The following TBCD variants were observed in gnomAD, a reference collection of about 807,000 sequenced individuals.
TBCD encodes the protein tubulin folding cofactor D.
A neutral mutation model predicts 169.3 loss-of-function variants in TBCD; 105 were observed. That is an observed-to-expected ratio of 0.62 (90% CI 0.53 to 0.73). The LOEUF is 0.73. Among genes scored for constraint, TBCD ranks in the 30% least tolerant of loss-of-function variants. TBCD has a pLI of 0.00. For missense variants in TBCD, 1,444 were observed against 1,600.1 expected (o/e 0.90, Z 1.66); for synonymous variants, 700 against 643.9 (o/e 1.09, Z -1.32).
At chr17:82,919,959 G>C (rs938784603) in intron 23 of TBCD, among the ~76,000 whole-genome samples, 1 of 152,224 alleles carries the variant, frequency 6.6e-6, no homozygotes, top group Admixed American at 6.5e-5. Flanking sequence ...AGGCGTCTGC[G>C]AGTGGGTTCC....
At chr17:82,872,389 G>A (rs6502008) in intron 14 of TBCD, among the ~76,000 whole-genome samples, 85,925 of 152,118 alleles carry the variant, frequency 0.56, 24,545 homozygotes, top group East Asian at 0.71. Context: ...GCGCTGCTGG[G>A]CAGGGGCTTG....
At chr17:82,844,100 G>T (rs900209318) in intron 13 of TBCD, among the ~76,000 whole-genome samples, 1 of 151,948 alleles carries the variant, frequency 6.6e-6, no homozygotes, top group Non-Finnish European at 1.5e-5. Flanking sequence ...TGTTCCTTTT[G>T]TAGCATCTCA....
chr17:82,805,183 C>A (rs1449583736), intron 9 of TBCD, among the ~76,000 whole-genome samples: 1 of 152,258 alleles, frequency 6.6e-6, no homozygotes, highest in East Asian at 1.9e-4. Context: ...GCTCCTCACA[C>A]AGCTCTCTGC....
At chr17:82,793,059 A>G (rs1316701976) in intron 7 of TBCD, among the ~76,000 whole-genome samples, 1 of 152,166 alleles carries the variant, frequency 6.6e-6, no homozygotes, top group Non-Finnish European at 1.5e-5. Flanking sequence ...CACTACACCC[A>G]GCCTGAAATT....
In TBCD at chr17:82,838,557, G is replaced by A. The variant is rs1439149141; in HGVS notation, c.1318+23623G>A. 20 of 715,010 alleles carry A rather than the reference G, an allele frequency of 2.8e-5. No individual in the cohort carries two copies. In the East Asian group the frequency reaches 1.1e-3, roughly 38 times the overall value. The allele number at this position is 715,010 out of a possible 1,614,324, so 44.3% of individuals were successfully genotyped here. ...TGTAATTACAATATTGTGATGTGGC[G>A]TTGTTGCATAACTCAAGGACACACC... On this transcript the variant is annotated intron_variant, in intron 13 of 38. Coordinates refer to ENST00000355528, the MANE Select transcript of TBCD (RefSeq NM_005993.5).
Position 82,782,456 on chromosome 17 carries a change from C to T in TBCD, c.771+735C>T, listed in dbSNP as rs754341292. Among the ~76,000 whole-genome samples the T allele has an allele frequency of 2.0e-5, 3 of 152,176 alleles. No homozygotes were observed. The highest frequency in any genetic ancestry group is 4.4e-5 in the Non-Finnish European group (3 of 68,024). ...TTGAGAGCACTTCTCATCCTTGTCTCACGCTGTGGAGCCTGTGGTCCCTCT... is the reference window on the plus strand; with the variant it reads ...TTGAGAGCACTTCTCATCCTTGTCTTACGCTGTGGAGCCTGTGGTCCCTCT... On this transcript the variant is annotated intron_variant, in intron 7 of 38. Transcript: ENST00000355528. This position sits in a 1 kb window ranked among gnomAD's most constrained non-coding sequence, Gnocchi z 5.1.
chr17:82,798,599 T>A (rs928950156), intron 8 of TBCD, among the ~76,000 whole-genome samples: 19 of 152,106 alleles, frequency 1.2e-4, no homozygotes, highest in African/African-American at 4.6e-4. Context: ...AGTCCTTTGA[T>A]AAAGAGGGAT....
intron 2 of TBCD, among the ~76,000 whole-genome samples, chr17:82,758,155 G>A (rs1231631576): frequency 6.6e-5 from 10 of 151,658 alleles, no homozygotes; most frequent in African/African-American, 1.5e-4. Context: ...TTGGGAGGCC[G>A]GGGCGGGTGG....
chr17:82,927,956 T>A lies in TBCD; in HGVS notation c.2661T>A (p.Ala887=). 6.2e-7 allele frequency: 1 copy of A among 1,612,974 alleles called. No individual in the cohort carries two copies. Among genetic ancestry groups the A allele is most frequent in the South Asian group, 1.1e-5 (1 of 91,086 alleles). Residue 887 remains alanine (A), a synonymous_variant, in exon 30 of 39, where the codon GCT becomes GCA. Coordinates refer to ENST00000355528, the MANE Select transcript of TBCD (RefSeq NM_005993.5). ...TGATGGATCTGACACTTCTGCTGGCTCGGAGCCAGCCTGAGCTGATCGAGG... is the reference window on the plus strand; with the variant it reads ...TGATGGATCTGACACTTCTGCTGGCACGGAGCCAGCCTGAGCTGATCGAGG... ...TSLMDLTLLL[A]RSQPELIEAH...
intron 14 of TBCD, among the ~76,000 whole-genome samples, chr17:82,881,141 A>C (rs183675515): frequency 6.2e-4 from 94 of 152,210 alleles, no homozygotes; most frequent in Admixed American, 1.5e-3. Flanking sequence ...TGGACACTGC[A>C]ACCACCTGGG....
intron 2 of TBCD, among the ~76,000 whole-genome samples, chr17:82,761,928 C>G (rs1264764229): frequency 6.6e-6 from 1 of 150,682 alleles, no homozygotes; most frequent in Admixed American, 6.6e-5. Flanking sequence ...GGGGTTTCAC[C>G]TTGTTAACCA....
Position 82,758,400 on chromosome 17 carries a change from A to AAAAAAAAAAAAT in TBCD, c.235+2188_235+2189insAAAAAAAATAAA, listed in dbSNP as rs1035939621. On this transcript the variant is annotated intron_variant, in intron 2 of 38. Coordinates refer to ENST00000355528, the MANE Select transcript of TBCD (RefSeq NM_005993.5). Reference sequence around the variant, plus strand: ...AACGTCTCGGAAAAAAAAAAAAAAAAAAATAAATAAATAAATAAATTTTTT... The same window carrying AAAAAAAAAAAAT: ...AACGTCTCGGAAAAAAAAAAAAAAAAAAAAAAAAAAATAAATAAATAAATAAATAAATTTTTT... Among the ~76,000 whole-genome samples the AAAAAAAAAAAAT allele has an allele frequency of 4.8e-3, 479 of 99,862 alleles. 8 individuals carry two copies. The highest frequency in any genetic ancestry group is 0.018 in the Admixed American group (130 of 7,094). The allele number at this position is 99,862 out of a possible 152,430, so 65.5% of individuals were successfully genotyped here.
Position 82,806,030 on chromosome 17 carries a change from G to A in TBCD, c.1087+19G>A. On this transcript the variant is annotated intron_variant, in intron 10 of 38. Coordinates refer to ENST00000355528, the MANE Select transcript of TBCD (RefSeq NM_005993.5). The surrounding 1 kb of genome is among the most constrained non-coding windows in gnomAD (Gnocchi z 5.1). Reference sequence around the variant, plus strand: ...GTGATAGGTGCGTGGGGTCTAAGCGGCGGCCTCTGCTCTTGGGCACCGTCG... The same window carrying A: ...GTGATAGGTGCGTGGGGTCTAAGCGACGGCCTCTGCTCTTGGGCACCGTCG... 1 of 1,606,894 alleles carries A rather than the reference G, an allele frequency of 6.2e-7. No individual in the cohort carries two copies. The highest frequency in any genetic ancestry group is 8.5e-7 in the Non-Finnish European group (1 of 1,174,216).
chr17:82,945,728 C>T lies in TBCD; in HGVS notation c.*3265C>T, dbSNP rs555318088. On this transcript the variant is annotated 3_prime_UTR_variant, in exon 39 of 39. Coordinates refer to ENST00000355528, the MANE Select transcript of TBCD (RefSeq NM_005993.5). ...AACATCCCAGATGGAAGCAGCATCC[C>T]CCTACCCAGCTGTGACAAAAAGAAA... 6.6e-6 allele frequency: 1 copy of T among 152,230 alleles called. No homozygotes were observed. Among genetic ancestry groups the T allele is most frequent in the East Asian group, 1.9e-4 (1 of 5,196 alleles). 9.4% of individuals were successfully genotyped at this position (152,230 alleles called of 1,614,324 possible).
chr17:82,762,441 TCTTA>T (rs893687838), intron 2 of TBCD, among the ~76,000 whole-genome samples: 2 of 151,994 alleles, frequency 1.3e-5, no homozygotes, highest in South Asian at 2.1e-4. Flanking sequence ...GCAGAAAGTG[TCTTA>T]CTTGTAGAAA....
chr17:82,792,419 C>T (rs771616832), intron 7 of TBCD, among the ~76,000 whole-genome samples: 29 of 152,272 alleles, frequency 1.9e-4, no homozygotes, highest in South Asian at 8.3e-4. Context: ...TATGGGCTCA[C>T]TATCAATATG....
chr17:82,852,229 G>A (rs1015713952), intron 13 of TBCD, among the ~76,000 whole-genome samples: 6 of 149,428 alleles, frequency 4.0e-5, no homozygotes, highest in Admixed American at 1.4e-4. Context: ...GAATGGAACC[G>A]TGCCCCCTGT....
rs1024034847 is a variant in TBCD at position 82,832,682 on chromosome 17, C to T, written c.1318+17748C>T. On this transcript the variant is annotated intron_variant, in intron 13 of 38. Transcript: ENST00000355528. The surrounding 1 kb of genome is among the most constrained non-coding windows in gnomAD (Gnocchi z 4.9). ...GGTGTCAGGACAGCGAGTGAGGGGT[C>T]GGCGAGAAGCCGGCCTCGGCTCGCC... 7 of 581,218 alleles carry T rather than the reference C, an allele frequency of 1.2e-5. No individual in the cohort carries two copies. Among genetic ancestry groups the T allele is most frequent in the African/African-American group, 5.6e-5 (3 of 53,552 alleles). The allele number at this position is 581,218 out of a possible 1,614,324, so 36.0% of individuals were successfully genotyped here.
rs1289081581 is a variant in TBCD at position 82,850,031 on chromosome 17, TGCTGTTGTTG to T, written c.1319-20187_1319-20178del. On this transcript the variant is annotated intron_variant, in intron 13 of 38. Transcript: ENST00000355528. ...CTGTTGGCTGTGCTGTTGTTGGCTG[TGCTGTTGTTG>T]GCTGTGCTGTTGTTGGCTGTGCTGC... Among the ~76,000 whole-genome samples the T allele has an allele frequency of 2.1e-3, 217 of 102,270 alleles. 3 individuals carry two copies. Among genetic ancestry groups the T allele is most frequent in the African/African-American group, 4.9e-3 (136 of 27,594 alleles). The allele number at this position is 102,270 out of a possible 152,430, so 67.1% of individuals were successfully genotyped here.
Sources: gnomAD v4.1 joint callset for allele counts (sites outside exome capture counted in the v4.1 genomes callset) on GRCh38, gnomAD v4.1.1 for gene constraint, Gnocchi (gnomAD v3.1) non-coding constraint, MANE v1.5 for transcripts, NCBI Gene and HGNC (gene_info 2026-07-23, HGNC 2026-07-21) for gene names.